The following LGR4 variants were observed in gnomAD, a reference collection of about 807,000 sequenced individuals.
LGR4 encodes the protein leucine-rich repeat-containing G protein-coupled receptor 4.
In LGR4, 44 loss-of-function variants were observed where a neutral mutation model predicts 84.8. The ratio of observed to expected loss-of-function variants is 0.52; its 90% CI spans 0.41 to 0.67. The LOEUF (loss-of-function observed/expected upper bound fraction) is 0.67, where lower values mean the gene tolerates loss of function less well. Ranked by LOEUF, LGR4 falls within the 30% of genes least tolerant of loss-of-function variation. The pLI is 0.00. For missense variants in LGR4, 1,032 were observed against 1,131.4 expected (o/e 0.91, Z 1.26); for synonymous variants, 429 against 434.3 (o/e 0.99, Z 0.15).
chr11:27,441,552 GA>G, intron 1 of LGR4, among the ~76,000 whole-genome samples: 1 of 152,324 alleles, frequency 6.6e-6, no homozygotes, highest in African/African-American at 2.4e-5. Flanking sequence ...ACCAGAGAAA[GA>G]AATGAATGAT....
At chr11:27,422,517 G>C (rs1395895388) in intron 1 of LGR4, among the ~76,000 whole-genome samples, 1 of 152,178 alleles carries the variant, frequency 6.6e-6, no homozygotes, top group Admixed American at 6.5e-5. Context: ...ATGTTGTAAA[G>C]GTAAGTATCA....
At chr11:27,421,399 T>C (rs1433901004) in intron 1 of LGR4, among the ~76,000 whole-genome samples, 5 of 152,192 alleles carry the variant, frequency 3.3e-5, no homozygotes, top group African/African-American at 1.2e-4. Flanking sequence ...CCCTTCAGAA[T>C]TACAAGAGTT....
At chr11:27,451,378 T>C (rs575378145) in intron 1 of LGR4, among the ~76,000 whole-genome samples, 16 of 152,306 alleles carry the variant, frequency 1.1e-4, no homozygotes, top group South Asian at 1.0e-3. Flanking sequence ...GAGCTTGGAA[T>C]TGCTTACTGA....
chr11:27,432,144 C>A (rs1392299371), intron 1 of LGR4, among the ~76,000 whole-genome samples: 2 of 151,866 alleles, frequency 1.3e-5, no homozygotes, highest in Non-Finnish European at 2.9e-5. Flanking sequence ...AATAAAAAGG[C>A]ATTCCACATA....
intron 1 of LGR4, among the ~76,000 whole-genome samples, chr11:27,423,156 CT>C (rs1275551642): frequency 1.3e-5 from 2 of 152,218 alleles, no homozygotes; most frequent in East Asian, 3.8e-4. Flanking sequence ...TGCCCCCAGT[CT>C]GAAAGGGGCC....
rs569765728 is a variant in LGR4 at position 27,465,423 on chromosome 11, G to A, written c.185+6695C>T. Among the ~76,000 whole-genome samples, 11 of 152,268 alleles carry A rather than the reference G, an allele frequency of 7.2e-5. No individual in the cohort carries two copies. The South Asian group carries it at 1.7e-3, about 23-fold the overall frequency. ...AATGGTATGAAAAACATGTTTTAGAGATTAAAACCAACCAACCCAATCATT... is the reference window on the plus strand; with the variant it reads ...AATGGTATGAAAAACATGTTTTAGAAATTAAAACCAACCAACCCAATCATT... On this transcript the variant is annotated intron_variant, in intron 1 of 17. Transcript: ENST00000379214.
intron 1 of LGR4, among the ~76,000 whole-genome samples, chr11:27,438,989 T>A (rs1864256112): frequency 6.6e-6 from 1 of 152,190 alleles, no homozygotes; most frequent in African/African-American, 2.4e-5. Flanking sequence ...AAACCCAGGC[T>A]AATACCGGCC....
chr11:27,424,937 G>C (rs754459163), intron 1 of LGR4, among the ~76,000 whole-genome samples: 10 of 152,018 alleles, frequency 6.6e-5, no homozygotes, highest in Non-Finnish European at 1.2e-4. Context: ...TAGTAGAGAC[G>C]GGGTTTCACC....
chr11:27,427,839 A>G (rs1338316758), intron 1 of LGR4, among the ~76,000 whole-genome samples: 4 of 152,132 alleles, frequency 2.6e-5, no homozygotes, highest in Non-Finnish European at 1.5e-5. Context: ...GTTCTCTCTG[A>G]CCTCCATTCC....
chr11:27,429,839 A>T (rs989881866), intron 1 of LGR4, among the ~76,000 whole-genome samples: 2 of 152,136 alleles, frequency 1.3e-5, no homozygotes, highest in Admixed American at 1.3e-4. Context: ...ACATGTGAGA[A>T]AGAGACTGCC....
rs777106298 is a variant in LGR4 at position 27,368,867 on chromosome 11, T to C, written c.1856A>G (p.Lys619Arg). The C allele has an allele frequency of 8.1e-6, 13 of 1,614,124 alleles. No homozygotes were observed. The highest frequency in any genetic ancestry group is 1.1e-5 in the South Asian group (1 of 91,078). Residue 619 changes from lysine to arginine, a missense_variant, in exon 18 of 18, where the codon AAA becomes AGA. By Grantham distance (26) the Lys-to-Arg change is conservative (BLOSUM62 2). Coordinates refer to ENST00000379214, the MANE Select transcript of LGR4 (RefSeq NM_018490.5). Reference sequence around the variant, plus strand: ...GAAAACTGCAAGAAACCCAGCTACTTTGCAGCCACTGCCAGTTTCCCACCA... The same window carrying C: ...GAAAACTGCAAGAAACCCAGCTACTCTGCAGCCACTGCCAGTTTCCCACCA... ...GIWWETGSGC[K>R]VAGFLAVFSS...
chr11:27,452,771 C>T (rs1473965341), intron 1 of LGR4, among the ~76,000 whole-genome samples: 2 of 150,976 alleles, frequency 1.3e-5, no homozygotes, highest in Non-Finnish European at 3.0e-5. Flanking sequence ...CTACAGGTGC[C>T]CGCCACCACG....
At chr11:27,369,740 A>G (rs2048206943) in intron 17 of LGR4, among the ~76,000 whole-genome samples, 1 of 152,040 alleles carries the variant, frequency 6.6e-6, no homozygotes, top group Non-Finnish European at 1.5e-5. Flanking sequence ...CTTTATAATC[A>G]TGTATGTATA....
chr11:27,452,878 C>T (rs922394567), intron 1 of LGR4, among the ~76,000 whole-genome samples: 1 of 151,156 alleles, frequency 6.6e-6, no homozygotes, highest in South Asian at 2.1e-4. Context: ...CCGTTGAAAA[C>T]TATCCATAGT....
chr11:27,377,054 G>C, intron 12 of LGR4, 104 bp downstream of exon 12: 1 of 638,478 alleles, frequency 1.6e-6, no homozygotes, highest in South Asian at 2.2e-5. Context: ...CTGATTACAG[G>C]AATTTCTAAT....
intron 1 of LGR4, among the ~76,000 whole-genome samples, chr11:27,436,859 T>G (rs1052806857): frequency 6.6e-6 from 1 of 152,092 alleles, no homozygotes; most frequent in East Asian, 1.9e-4. Flanking sequence ...ATCTGTTTGA[T>G]AGATAGGCCC....
intron 1 of LGR4, among the ~76,000 whole-genome samples, chr11:27,425,224 T>TA (rs768579880): frequency 5.9e-4 from 90 of 152,080 alleles, no homozygotes; most frequent in Admixed American, 1.0e-3. Flanking sequence ...ATAAAGAATG[T>TA]AAGATTGGAG....
chr11:27,411,079 C>T (rs543327640), intron 2 of LGR4, among the ~76,000 whole-genome samples: 2 of 152,038 alleles, frequency 1.3e-5, no homozygotes, highest in African/African-American at 2.4e-5. Context: ...CACAGTGGCC[C>T]CACCCAGAAT....
intron 1 of LGR4, among the ~76,000 whole-genome samples, chr11:27,466,158 T>C (rs985519276): frequency 4.6e-5 from 7 of 152,254 alleles, no homozygotes; most frequent in African/African-American, 1.7e-4. Flanking sequence ...ACATTACTTT[T>C]ATTTTTCAGA....
Sources: gnomAD v4.1 joint callset for allele counts (sites outside exome capture counted in the v4.1 genomes callset) on GRCh38, gnomAD v4.1.1 for gene constraint, MANE v1.5 for transcripts, NCBI Gene and HGNC (gene_info 2026-07-23, HGNC 2026-07-21) for gene names.